The following AP3B1 variants were observed in gnomAD, a reference collection of about 807,000 sequenced individuals.
AP3B1 encodes AP-3 complex subunit beta-1.
A neutral mutation model predicts 132.5 loss-of-function variants in AP3B1; 61 were observed. The observed-to-expected ratio is 0.46, with a 90% CI of 0.37 to 0.57. The LOEUF (loss-of-function observed/expected upper bound fraction) is 0.57, where lower values mean the gene tolerates loss of function less well. Ranked by LOEUF, AP3B1 falls within the 20% of genes least tolerant of loss-of-function variation. The pLI, the probability that AP3B1 is intolerant of heterozygous loss-of-function variation, is 0.00. For missense variants in AP3B1, 1,120 were observed against 1,289.4 expected, an observed-to-expected ratio of 0.87 and a Z score of 2.01; for synonymous variants, 388 against 438.3, an observed-to-expected ratio of 0.89 and a Z score of 1.43.
At chr5:78,016,965 A>T (rs1005477211) in intron 25 of AP3B1, among the ~76,000 whole-genome samples, 9 of 152,148 alleles carry the variant, frequency 5.9e-5, no homozygotes, top group Non-Finnish European at 1.2e-4. Flanking sequence ...CTGCTGAATA[A>T]ATGAATGCAA....
chr5:78,054,312 T>C lies in AP3B1; in HGVS notation c.2578-15038A>G, dbSNP rs115129475. Among the ~76,000 whole-genome samples the C allele has an allele frequency of 2.0e-3, 310 of 152,286 alleles. 1 individual carries two copies. Among genetic ancestry groups the C allele is most frequent in the African/African-American group, 7.1e-3 (295 of 41,544 alleles). ...AGATGATGGTGGGCCAGAGAGATTA[T>C]GTATGAAATACTAAGATCTTCACTG... is the stretch of plus-strand genomic sequence containing the variant. On this transcript the variant is annotated intron_variant, in intron 22 of 26. Transcript: ENST00000255194.
At chr5:78,206,574 G>GT (rs1455967409) in intron 7 of AP3B1, among the ~76,000 whole-genome samples, 1 of 152,126 alleles carries the variant, frequency 6.6e-6, no homozygotes, top group Non-Finnish European at 1.5e-5. Flanking sequence ...CGGACTATAT[G>GT]TAAGTGTCAA....
At position 78,115,049 on chromosome 5, in the gene AP3B1, G is replaced by A. The variant is rs183015192; in HGVS notation, c.2077+1077C>T. 1.1e-4 allele frequency among the ~76,000 whole-genome samples: 17 copies of A among 152,234 alleles called. No homozygotes were observed. The East Asian group carries it at 3.1e-3, about 28-fold the overall frequency. On this transcript the variant is annotated intron_variant, in intron 18 of 26. Transcript: ENST00000255194. ...ACAACAGGGTCTGCCACAGGGTAAG[G>A]CACTCATCATTATCATCATTTACAA...
chr5:78,021,944 GCC>G (rs1747119820), intron 24 of AP3B1, among the ~76,000 whole-genome samples: 3 of 152,140 alleles, frequency 2.0e-5, no homozygotes, highest in African/African-American at 7.2e-5. Context: ...GGATCCCACA[GCC>G]TGTGAGATGG....
chr5:78,023,804 C>A (rs970020760), intron 24 of AP3B1, among the ~76,000 whole-genome samples: 13 of 152,054 alleles, frequency 8.5e-5, no homozygotes, highest in African/African-American at 3.1e-4. Flanking sequence ...AGGAAGACTA[C>A]ACAATGCAGT....
intron 13 of AP3B1, among the ~76,000 whole-genome samples, chr5:78,159,530 G>C (rs750017091): frequency 1.3e-5 from 2 of 151,962 alleles, no homozygotes; most frequent in Non-Finnish European, 2.9e-5. Flanking sequence ...CACATTCCTT[G>C]GTTCAAAGAC....
chr5:78,105,420 C>G (rs918531214), intron 20 of AP3B1, among the ~76,000 whole-genome samples: 1 of 152,066 alleles, frequency 6.6e-6, no homozygotes, highest in African/African-American at 2.4e-5. Flanking sequence ...CATCTGTTCA[C>G]ATAATTTTAA....
rs1554077325 is a variant in AP3B1 at position 78,223,028 on chromosome 5, T to TC, written c.603+2513_603+2514insG. On this transcript the variant is annotated intron_variant, in intron 6 of 26. Transcript: ENST00000255194. ...GTTTTTTTGTTTGTTTGTTTGTTTCTTTTTTTTTTTTTGTAGAGACAAGGT... is the reference window on the plus strand; with the variant it reads ...GTTTTTTTGTTTGTTTGTTTGTTTCTCTTTTTTTTTTTTGTAGAGACAAGGT... Among the ~76,000 whole-genome samples, 24 of 77,982 alleles carry TC rather than the reference T, an allele frequency of 3.1e-4. 2 individuals are homozygous for TC. Among genetic ancestry groups the TC allele is most frequent in the Non-Finnish European group, 3.4e-4 (13 of 37,918 alleles). 51.2% of individuals were successfully genotyped at this position (77,982 alleles called of 152,430 possible).
intron 2 of AP3B1, among the ~76,000 whole-genome samples, chr5:78,252,591 T>C (rs1747685589): frequency 6.6e-6 from 1 of 152,174 alleles, no homozygotes; most frequent in Non-Finnish European, 1.5e-5. Flanking sequence ...GCAGTACTCT[T>C]TGTGGCCTGG....
intron 7 of AP3B1, among the ~76,000 whole-genome samples, chr5:78,196,620 T>G (rs1205958912): frequency 6.6e-6 from 1 of 152,186 alleles, no homozygotes; most frequent in Non-Finnish European, 1.5e-5. Context: ...GCTCAAAATG[T>G]CTTTCAGTAG....
chr5:78,239,134 TA>T (rs1482158816), intron 3 of AP3B1, among the ~76,000 whole-genome samples: 1 of 151,886 alleles, frequency 6.6e-6, no homozygotes, highest in Admixed American at 6.6e-5. Flanking sequence ...GGAGTACTTT[TA>T]AAAATAAGCA....
At chr5:78,127,820 T>G (rs1256604392) in intron 17 of AP3B1, among the ~76,000 whole-genome samples, 2 of 152,172 alleles carry the variant, frequency 1.3e-5, no homozygotes, top group Non-Finnish European at 2.9e-5. Context: ...CTCTATTTCC[T>G]TGAAGAAAAG....
chr5:78,233,963 A>C (rs1005566816), intron 3 of AP3B1, among the ~76,000 whole-genome samples: 1 of 152,246 alleles, frequency 6.6e-6, no homozygotes, highest in Admixed American at 6.5e-5. Flanking sequence ...CCTAGGAAAA[A>C]AATTATATTT....
chr5:78,178,001 A>T (rs987407968), intron 8 of AP3B1, among the ~76,000 whole-genome samples: 8 of 152,186 alleles, frequency 5.3e-5, no homozygotes, highest in African/African-American at 1.9e-4. Context: ...CTATGAAAAG[A>T]ATACATCCTC....
chr5:78,098,684 G>T (rs1186204754), intron 21 of AP3B1, among the ~76,000 whole-genome samples: 3 of 152,144 alleles, frequency 2.0e-5, no homozygotes, highest in Non-Finnish European at 4.4e-5. Context: ...GAACAATGCT[G>T]CAATGAAATT....
intron 7 of AP3B1, among the ~76,000 whole-genome samples, chr5:78,205,329 T>C (rs183431493): frequency 2.1e-3 from 320 of 152,204 alleles, no homozygotes; most frequent in Admixed American, 3.5e-3. Context: ...TCAGACTGTA[T>C]AAATCTTTTG....
chr5:78,053,701 A>AGGAAG (rs376124841), intron 22 of AP3B1, among the ~76,000 whole-genome samples: 1,852 of 148,098 alleles, frequency 0.013, 39 homozygotes, highest in African/African-American at 0.037. Context: ...AAAAAAAGAA[A>AGGAAG]GAAAAGAAAA....
At chr5:78,145,214 C>T (rs976222170) in intron 14 of AP3B1, among the ~76,000 whole-genome samples, 4 of 152,134 alleles carry the variant, frequency 2.6e-5, no homozygotes, top group African/African-American at 9.7e-5. Flanking sequence ...AAACAAAGCC[C>T]TCAATATGAT....
At chr5:78,157,465 A>C (rs1245021045) in intron 13 of AP3B1, among the ~76,000 whole-genome samples, 1 of 152,198 alleles carries the variant, frequency 6.6e-6, no homozygotes, top group Non-Finnish European at 1.5e-5. Context: ...AACTGGGATT[A>C]CGGGATTTAG....
Sources: gnomAD v4.1 joint callset for allele counts (sites outside exome capture counted in the v4.1 genomes callset) on GRCh38, gnomAD v4.1.1 for gene constraint, MANE v1.5 for transcripts, NCBI Gene and HGNC (gene_info 2026-07-23, HGNC 2026-07-21) for gene names.